Variants in CENPU observed in about 807,000 individuals in gnomAD.
CENPU encodes the protein KSHV latent nuclear antigen interacting protein 1.
In CENPU, 46 loss-of-function variants were observed where a neutral mutation model predicts 56.7. The ratio of observed to expected loss-of-function variants is 0.81; its 90% CI spans 0.64 to 1.04. The LOEUF (loss-of-function observed/expected upper bound fraction) is 1.04, where lower values mean the gene tolerates loss of function less well. CENPU is among the 50% of genes least tolerant of loss of function. CENPU has a pLI of 0.00. For missense variants in CENPU, 510 were observed against 490.1 expected (o/e 1.04, Z -0.38); for synonymous variants, 166 against 163.0 (o/e 1.02, Z -0.14).
rs758201246 is a variant in CENPU at position 184,716,424 on chromosome 4, T to C, written c.591A>G (p.Lys197=). 6.2e-7 allele frequency: 1 copy of C among 1,614,056 alleles called. No homozygotes were observed. Among genetic ancestry groups the C allele is most frequent in the Non-Finnish European group, 8.5e-7 (1 of 1,179,948 alleles). The part of the protein sequence containing the change: ...GPLSAQPSVE[K]ENLAIESQSK... The stretch of plus-strand genomic sequence containing the variant: ...ATTGACTTTCTATTGCCAAGTTCTC[T>C]TTTTCAACAGAGGGCTGGGCACTAA... The change falls in exon 6 of 13, where the codon AAA becomes AAG. Residue 197 remains lysine (K), a synonymous_variant. Transcript: ENST00000281453.
chr4:184,719,464 T>C (rs2150221847), intron 4 of CENPU, among the ~76,000 whole-genome samples: 1 of 152,354 alleles, frequency 6.6e-6, no homozygotes, highest in Non-Finnish European at 1.5e-5. Context: ...GGACTAGTCC[T>C]GGTGTGAGGG....
intron 8 of CENPU, among the ~76,000 whole-genome samples, chr4:184,707,657 A>C (rs1331536728): frequency 1.3e-5 from 2 of 152,132 alleles, no homozygotes; most frequent in African/African-American, 4.8e-5. Context: ...CACCCCCTGC[A>C]CTGACGGGCA....
chr4:184,699,702 C>T, intron 11 of CENPU: 1 of 1,047,504 alleles, frequency 9.5e-7, no homozygotes, highest in Non-Finnish European at 1.3e-6. Flanking sequence ...ACTCTGTCAC[C>T]CAGGCTGGAG....
intron 8 of CENPU, among the ~76,000 whole-genome samples, chr4:184,709,400 T>C (rs1334788227): frequency 3.3e-5 from 5 of 151,878 alleles, no homozygotes; most frequent in African/African-American, 7.3e-5. Flanking sequence ...GGCAGGAGAA[T>C]TGCTTGAACC....
At chr4:184,727,473 C>A (rs576747187) in intron 3 of CENPU, among the ~76,000 whole-genome samples, 1 of 152,272 alleles carries the variant, frequency 6.6e-6, no homozygotes, top group East Asian at 1.9e-4. Context: ...CACTCACACC[C>A]ACAATGAGGT....
At chr4:184,703,333 A>G (rs1228774624) in intron 8 of CENPU, among the ~76,000 whole-genome samples, 1 of 152,264 alleles carries the variant, frequency 6.6e-6, no homozygotes, top group Non-Finnish European at 1.5e-5. Context: ...GCCAAAAAGT[A>G]GCCATAAATC....
At chr4:184,708,718 A>C (rs74629904) in intron 8 of CENPU, among the ~76,000 whole-genome samples, 6,441 of 152,322 alleles carry the variant, frequency 0.042, 444 homozygotes, top group African/African-American at 0.15. Flanking sequence ...ATTCAAATTC[A>C]AGGGTATAAT....
rs1760121186 is a variant in CENPU at position 184,694,674 on chromosome 4, T to C, written c.*614A>G. On this transcript the variant is annotated 3_prime_UTR_variant, in exon 13 of 13. Transcript: ENST00000281453. The stretch of plus-strand genomic sequence containing the variant: ...ATGATGCTTATTTTTTAGAAGCTAC[T>C]GAAGATGCTGAATTAGCTGAAGCTG... 6.2e-7 allele frequency: 1 copy of C among 1,614,086 alleles called. No homozygotes were observed. Among genetic ancestry groups the C allele is most frequent in the African/African-American group, 1.3e-5 (1 of 74,932 alleles).
intron 8 of CENPU, among the ~76,000 whole-genome samples, chr4:184,702,966 C>A (rs1760589126): frequency 6.6e-6 from 1 of 152,100 alleles, no homozygotes. Context: ...CTTTATCCAA[C>A]CCACAGTTGA....
rs534015833 is a variant in CENPU at position 184,732,940 on chromosome 4, T to C, written c.47+1076A>G. Among the ~76,000 whole-genome samples the C allele has an allele frequency of 2.5e-3, 368 of 144,952 alleles. 1 individual carries two copies. The highest frequency in any genetic ancestry group is 4.0e-3 in the Non-Finnish European group (267 of 67,328). ...TCGCTTGAACCTGGGAGGCGGAGAT[T>C]GCGCCACTGCACTCCAGCCTGGGCC... On this transcript the variant is annotated intron_variant, in intron 1 of 12. Coordinates refer to ENST00000281453, the MANE Select transcript of CENPU (RefSeq NM_024629.4).
intron 8 of CENPU, 105 bp downstream of exon 8, chr4:184,709,967 A>C: frequency 2.2e-6 from 1 of 449,282 alleles, no homozygotes. Context: ...AATATCTAAA[A>C]CAATGACAAT....
At position 184,702,077 on chromosome 4, in the gene CENPU, TA is replaced by T; in HGVS notation, c.924+11del. 6.3e-7 allele frequency: 1 copy of T among 1,579,922 alleles called. No individual in the cohort carries two copies. The highest frequency in any genetic ancestry group is 8.7e-7 in the Non-Finnish European group (1 of 1,150,734). On this transcript the variant is annotated intron_variant, in intron 10 of 12. Transcript: ENST00000281453. ...GTTTGACTCTATGACTCTAATCACA[TA>T]AATAATTTACCTTAGCATTCTTCCT...
rs1761618023 is a variant in CENPU at position 184,730,918 on chromosome 4, A to G, written c.96+2T>C. 2 of 1,578,566 alleles carry G rather than the reference A, an allele frequency of 1.3e-6. No individual in the cohort carries two copies. The highest frequency in any genetic ancestry group is 2.0e-5 in the Admixed American group (1 of 48,906). ...AAACCACAACACAAAAAGGTAACTT[A>G]CATCTTTCATGGAATGTGTTCTTTC... On this transcript the variant is annotated splice_donor_variant, in intron 2 of 12. Coordinates refer to ENST00000281453, the MANE Select transcript of CENPU (RefSeq NM_024629.4). LOFTEE classifies it high-confidence loss of function.
intron 2 of CENPU, among the ~76,000 whole-genome samples, chr4:184,730,534 C>A (rs1280124941): frequency 8.7e-6 from 1 of 115,160 alleles, no homozygotes; most frequent in South Asian, 2.4e-4. Flanking sequence ...CTTTAACATA[C>A]ATTTATTCTA....
intron 3 of CENPU, among the ~76,000 whole-genome samples, chr4:184,727,583 G>A (rs968048053): frequency 4.6e-5 from 7 of 152,110 alleles, no homozygotes; most frequent in East Asian, 1.9e-4. Flanking sequence ...TGGTGCAGCC[G>A]CTTTGTAAAA....
In CENPU at chr4:184,694,117, C is replaced by A; in HGVS notation, c.*1171G>T. 1 of 547,720 alleles carries A rather than the reference C, an allele frequency of 1.8e-6. No homozygotes were observed. Among genetic ancestry groups the A allele is most frequent in the Non-Finnish European group, 2.3e-6 (1 of 430,768 alleles). The allele number at this position is 547,720 out of a possible 1,614,324, so 33.9% of individuals were successfully genotyped here. A position where few individuals can be genotyped will look rare whatever the true frequency, so the allele number is the denominator to read the frequency against. On this transcript the variant is annotated 3_prime_UTR_variant, in exon 13 of 13. Transcript: ENST00000281453. ...AACTGTTTTTAATCTTTTTTCAATC[C>A]ATGTTTACGATTTGCTAAATACTTT...
Position 184,729,016 on chromosome 4 carries a change from T to C in CENPU, c.116A>G (p.Lys39Arg). The C allele has an allele frequency of 1.2e-6, 2 of 1,613,394 alleles. No homozygotes were observed. The highest frequency in any genetic ancestry group is 1.1e-5 in the South Asian group (1 of 90,894). Residue 39 changes from lysine (K) to arginine (R), a missense_variant, in exon 3 of 13, where the codon AAG (lysine) becomes AGG (arginine). Transcript: ENST00000281453. ...SMKDKAGQKC[K>R]PIDVFDFPDN... ...AGGAAAGTCGAACACGTCAATAGGC[T>C]TGCACTTTTGACCAGCTTTCTAAAA...
chr4:184,727,007 C>T (rs548349191), intron 3 of CENPU, among the ~76,000 whole-genome samples: 29 of 148,508 alleles, frequency 2.0e-4, no homozygotes, highest in East Asian at 1.2e-3. Flanking sequence ...CCCAGCCACT[C>T]GGGAAGCTGA....
intron 1 of CENPU, among the ~76,000 whole-genome samples, chr4:184,732,491 TGATTCCGG>T (rs1761683389): frequency 6.6e-6 from 1 of 152,212 alleles, no homozygotes; most frequent in South Asian, 2.1e-4. Context: ...TTATAGATGA[TGATTCCGG>T]GATTCAGAAA....
Sources: gnomAD v4.1 joint callset for allele counts (sites outside exome capture counted in the v4.1 genomes callset) on GRCh38, gnomAD v4.1.1 for gene constraint, MANE v1.5 for transcripts, NCBI Gene and HGNC (gene_info 2026-07-23, HGNC 2026-07-21) for gene names.